The following TBCK variants were observed in gnomAD, a reference collection of about 807,000 sequenced individuals.
The protein encoded by TBCK is TBC domain-containing protein kinase-like protein.
A neutral mutation model predicts 113.4 loss-of-function variants in TBCK; 99 were observed. The observed-to-expected ratio is 0.87, with a 90% CI of 0.74 to 1.03. The LOEUF is 1.03. Ranked by LOEUF, TBCK falls within the 50% of genes least tolerant of loss-of-function variation. The pLI, the probability that TBCK is intolerant of heterozygous loss-of-function variation, is 0.00. For synonymous variants in TBCK, 369 were observed against 370.8 expected (o/e 1.00, Z 0.05); for missense variants, 1,045 against 1,061.3 (o/e 0.98, Z 0.21).
At chr4:106,216,536 T>C (rs1193680024) in intron 19 of TBCK, among the ~76,000 whole-genome samples, 7 of 151,522 alleles carry the variant, frequency 4.6e-5, no homozygotes, top group Admixed American at 2.0e-4. Flanking sequence ...AAAGGGGATA[T>C]CACCACCGAT....
At chr4:106,149,860 A>C (rs1476341867) in intron 23 of TBCK, among the ~76,000 whole-genome samples, 4 of 152,234 alleles carry the variant, frequency 2.6e-5, no homozygotes, top group Non-Finnish European at 5.9e-5. Flanking sequence ...GAAGCAAAAC[A>C]AACTCAAGTG....
intron 20 of TBCK, among the ~76,000 whole-genome samples, chr4:106,205,339 T>G (rs141655440): frequency 6.6e-6 from 1 of 152,092 alleles, no homozygotes; most frequent in African/African-American, 2.4e-5. Context: ...TACAAAATTA[T>G]GTATGAGTAA....
intron 22 of TBCK, among the ~76,000 whole-genome samples, chr4:106,176,960 G>GTT (rs34118663): frequency 5.0e-5 from 7 of 139,146 alleles, no homozygotes; most frequent in African/African-American, 1.3e-4. Flanking sequence ...ATTTTTAAGT[G>GTT]TTTTTTTTTT....
chr4:106,235,426 T>C (rs1759344099), intron 14 of TBCK, 59 bp from the exon 15 acceptor site: 1 of 1,191,974 alleles, frequency 8.4e-7, no homozygotes, highest in Non-Finnish European at 1.2e-6. Context: ...TCTTTTAGTC[T>C]AGACAGTTCT....
In TBCK at chr4:106,144,831, C is replaced by T. The variant is rs1365354280; in HGVS notation, c.2235+26264G>A. On this transcript the variant is annotated intron_variant, in intron 23 of 25. Transcript: ENST00000394708. ...CTGAGGTTGGGAGTTCGAGACCAGC[C>T]TGACCATCATGGAGAAACCCCGTCT... Among the ~76,000 whole-genome samples the T allele has an allele frequency of 2.0e-5, 3 of 151,150 alleles. No homozygotes were observed. The East Asian group carries it at 5.9e-4, about 30-fold the overall frequency.
At chr4:106,132,698 G>A (rs61461344) in intron 23 of TBCK, among the ~76,000 whole-genome samples, 1,705 of 152,324 alleles carry the variant, frequency 0.011, 30 homozygotes, top group African/African-American at 0.039. Context: ...CTGGGAGTGG[G>A]GCTGTACCCT....
intron 3 of TBCK, among the ~76,000 whole-genome samples, chr4:106,272,420 G>A (rs1031492424): frequency 6.6e-6 from 1 of 151,024 alleles, no homozygotes; most frequent in Non-Finnish European, 1.5e-5. Context: ...TTTTGACGCT[G>A]ATGACAATTT....
At chr4:106,154,432 T>C (rs1473551733) in intron 23 of TBCK, among the ~76,000 whole-genome samples, 1 of 152,176 alleles carries the variant, frequency 6.6e-6, no homozygotes, top group Non-Finnish European at 1.5e-5. Context: ...AATGTTGTTG[T>C]AGTTATTATT....
intron 24 of TBCK, among the ~76,000 whole-genome samples, chr4:106,100,935 G>T (rs1038189615): frequency 6.6e-6 from 1 of 152,008 alleles, no homozygotes; most frequent in Admixed American, 6.6e-5. Flanking sequence ...TCTTTGTTAG[G>T]TTACTAACTT....
intron 3 of TBCK, among the ~76,000 whole-genome samples, chr4:106,284,977 C>T (rs1162200551): frequency 6.6e-6 from 1 of 151,992 alleles, no homozygotes; most frequent in African/African-American, 2.4e-5. Flanking sequence ...AAATGCTGTA[C>T]TTTTTTCTTG....
chr4:106,083,083 C>T (rs898781564), intron 25 of TBCK, among the ~76,000 whole-genome samples: 5 of 152,326 alleles, frequency 3.3e-5, no homozygotes, highest in East Asian at 1.9e-4. Flanking sequence ...CGGGGAGAGG[C>T]GACCAGCACT....
At chr4:106,315,840 A>AT (rs1355164057) in intron 1 of TBCK, 91 bp downstream of exon 1, 1 of 152,540 alleles carries the variant, frequency 6.6e-6, no homozygotes, top group Non-Finnish European at 1.5e-5. Flanking sequence ...TTCTGAAGAC[A>AT]TGCGGGGCCA....
At chr4:106,115,877 T>C (rs1208891180) in intron 24 of TBCK, among the ~76,000 whole-genome samples, 1 of 152,200 alleles carries the variant, frequency 6.6e-6, no homozygotes, top group Non-Finnish European at 1.5e-5. Flanking sequence ...GTATACTTAC[T>C]CTTTATCTTT....
At chr4:106,222,670 G>A (rs1757835384) in intron 19 of TBCK, among the ~76,000 whole-genome samples, 1 of 152,118 alleles carries the variant, frequency 6.6e-6, no homozygotes, top group Non-Finnish European at 1.5e-5. Flanking sequence ...TAGGTTGGGA[G>A]TTATGTATCT....
chr4:106,149,774 A>G (rs999951293), intron 23 of TBCK, among the ~76,000 whole-genome samples: 3 of 152,240 alleles, frequency 2.0e-5, no homozygotes, highest in Admixed American at 2.0e-4. Context: ...TGGCTCCATT[A>G]GACTTGCATG....
At chr4:106,071,472 A>G (rs1737436933) in intron 25 of TBCK, among the ~76,000 whole-genome samples, 1 of 152,172 alleles carries the variant, frequency 6.6e-6, no homozygotes, top group Non-Finnish European at 1.5e-5. Flanking sequence ...ACAGTTTATT[A>G]TAATTTCTGT....
chr4:106,107,974 A>G lies in TBCK; in HGVS notation c.2411+8229T>C, dbSNP rs553630183. ...TGACCCCACAGAAATGAAAATAACC[A>G]TATGCTCTATGTACACAAATAGAAA... On this transcript the variant is annotated intron_variant, in intron 24 of 25. Transcript: ENST00000394708. 3.5e-4 allele frequency among the ~76,000 whole-genome samples: 53 copies of G among 152,264 alleles called. 1 individual carries two copies. The highest frequency in any genetic ancestry group is 1.2e-3 in the African/African-American group (50 of 41,570).
chr4:106,157,541 C>T (rs1335154685), intron 23 of TBCK, among the ~76,000 whole-genome samples: 2 of 152,122 alleles, frequency 1.3e-5, no homozygotes, highest in African/African-American at 4.8e-5. Flanking sequence ...GGGCAATTCC[C>T]CTCTGGCTAG....
intron 7 of TBCK, among the ~76,000 whole-genome samples, 182 bp from the exon 8 acceptor site, chr4:106,249,164 A>G (rs1761163257): frequency 6.6e-6 from 1 of 152,164 alleles, no homozygotes; most frequent in Non-Finnish European, 1.5e-5. Flanking sequence ...AGCTTCAGAT[A>G]AATACTAATT....
Sources: allele counts gnomAD v4.1 joint callset (sites outside exome capture counted in the v4.1 genomes callset), GRCh38; gene constraint gnomAD v4.1.1; transcripts MANE v1.5; gene names NCBI Gene and HGNC (gene_info 2026-07-23, HGNC 2026-07-21).